The following LAMA3 variants were observed in gnomAD, a reference collection of about 807,000 sequenced individuals.
LAMA3 encodes the protein laminin subunit alpha-3.
In LAMA3, 281 loss-of-function variants were observed where a neutral mutation model predicts 402.0. The observed-to-expected ratio is 0.70, with a 90% CI of 0.63 to 0.77. The LOEUF is 0.77. LAMA3 is among the 30% of genes least tolerant of loss of function. The probability of loss-of-function intolerance (pLI) is 0.00; values close to 1 mark genes in which losing one functional copy is unlikely to be tolerated. For missense variants in LAMA3, 3,840 were observed against 4,215.5 expected, an observed-to-expected ratio of 0.91 and a Z score of 2.47; for synonymous variants, 1,431 against 1,558.4, an observed-to-expected ratio of 0.92 and a Z score of 1.93.
chr18:23,826,780 G>A lies in LAMA3; in HGVS notation c.2650G>A (p.Ala884Thr), dbSNP rs749936195. 46 of 1,562,942 alleles carry A rather than the reference G, an allele frequency of 2.9e-5. No individual in the cohort carries two copies. The highest frequency in any genetic ancestry group is 3.6e-5 in the Non-Finnish European group (41 of 1,151,996). ...QLPVTEPCAY[A>T]GPPQENCLLY... is the part of the protein sequence containing the mutation. ...GCCAGTCACAGAACCATGTGCCTAC[G>A]CAGGACCTCCCCAAGAAAAGTCAGT... Residue 884 changes from alanine to threonine, a missense_variant, in exon 22 of 75, where the codon GCA (alanine) becomes ACA (threonine). Ala to Thr is a moderately conservative substitution (Grantham distance 58). This residue lies in a region of LAMA3 where 2,109 missense variants were observed against 2,376.0 expected (regional missense o/e 0.89). Coordinates refer to ENST00000313654, the MANE Select transcript of LAMA3 (RefSeq NM_198129.4).
At chr18:23,939,168 G>A in intron 67 of LAMA3, 55 bp from the exon 68 acceptor site, 1 of 1,556,726 alleles carries the variant, frequency 6.4e-7, no homozygotes, top group Non-Finnish European at 8.8e-7. Flanking sequence ...TACTTAGCAA[G>A]ATAAGCATTC....
At chr18:23,809,144 G>A (rs923393302) in intron 12 of LAMA3, among the ~76,000 whole-genome samples, 3 of 152,148 alleles carry the variant, frequency 2.0e-5, no homozygotes, top group African/African-American at 4.8e-5. Context: ...TGAGCATTTC[G>A]GCTGTGCGAA....
rs372591182 is a variant in LAMA3 at position 23,799,343 on chromosome 18, A to G, written c.1604-11023A>G. On this transcript the variant is annotated intron_variant, in intron 12 of 74. Transcript: ENST00000313654. ...ATTTTTAAAGCCTTATAGTATTTCC[A>G]AGAGTGAGAAAAGGGCTGCCAATGC... Among the ~76,000 whole-genome samples the G allele has an allele frequency of 2.3e-4, 35 of 152,382 alleles. No individual in the cohort carries two copies. The East Asian group carries it at 6.0e-3, about 26-fold the overall frequency.
rs1439779467 is a variant in LAMA3 at position 23,881,330 on chromosome 18, T to A, written c.5113-606T>A. On this transcript the variant is annotated intron_variant, in intron 39 of 74. Transcript: ENST00000313654. ...TCAGTTGAGTATTTTCTTCAGATAC[T>A]GTGCAATTTTTTATTGTTTTAACAA... Among the ~76,000 whole-genome samples, 3 of 152,258 alleles carry A rather than the reference T, an allele frequency of 2.0e-5. No homozygotes were observed. In the East Asian group the frequency reaches 5.8e-4, roughly 29 times the overall value.
At chr18:23,856,609 C>T (rs2064085193) in intron 32 of LAMA3, among the ~76,000 whole-genome samples, 1 of 152,120 alleles carries the variant, frequency 6.6e-6, no homozygotes, top group Admixed American at 6.5e-5. Context: ...GTTTTCTTGT[C>T]TGCCCGGATC....
intron 1 of LAMA3, among the ~76,000 whole-genome samples, chr18:23,698,712 A>T (rs2060733760): frequency 6.6e-6 from 1 of 152,208 alleles, no homozygotes; most frequent in African/African-American, 2.4e-5. Flanking sequence ...GTGCCCACGC[A>T]CTTGTGGGTA....
chr18:23,846,308 C>A lies in LAMA3; in HGVS notation c.3731C>A (p.Ala1244Asp), dbSNP rs1452542945. Reference protein sequence around the residue: ...KNSFYLDPQTASRFCKNSARS... With the variant: ...KNSFYLDPQTDSRFCKNSARS... ...TTCTGTCTCCACAGCCCCCAGACAG[C>A]CTCCAGATTCTGTAAGAATTCCGCC... Residue 1244 changes from alanine to aspartate, a missense_variant, in exon 31 of 75, where the codon GCC becomes GAC. Ala to Asp is a moderately radical substitution (Grantham distance 126). Around this residue, in one of 3 missense-constraint regions of LAMA3, gnomAD observed 2,109 missense variants for 2,376.0 expected, o/e 0.89. Coordinates refer to ENST00000313654, the MANE Select transcript of LAMA3 (RefSeq NM_198129.4). 1.2e-6 allele frequency: 2 copies of A among 1,614,228 alleles called. No homozygotes were observed. Among genetic ancestry groups the A allele is most frequent in the South Asian group, 1.1e-5 (1 of 91,086 alleles).
Position 23,890,029 on chromosome 18 carries a change from C to G in LAMA3, c.5322C>G (p.Phe1774Leu), listed in dbSNP as rs958631. Residue 1774 changes from phenylalanine (F) to leucine (L), a missense_variant, in exon 42 of 75, where the codon TTC becomes TTG. Around this residue, in one of 3 missense-constraint regions of LAMA3, gnomAD observed 2,109 missense variants for 2,376.0 expected, o/e 0.89. Transcript: ENST00000313654. ...TQCERCAPGY[F>L]GNPQKFGGSC... ...TGTGTAGGTGTGCACCGGGATATTT[C>G]GGGAATCCCCAGAAATTCGGAGGTA... 5 of 1,613,626 alleles carry G rather than the reference C, an allele frequency of 3.1e-6. No individual in the cohort carries two copies. The South Asian group carries it at 5.5e-5, about 18-fold the overall frequency.
intron 11 of LAMA3, 65 bp from the exon 12 acceptor site, chr18:23,783,957 GA>G: frequency 1.3e-6 from 2 of 1,584,200 alleles, no homozygotes; most frequent in African/African-American, 1.3e-5. Flanking sequence ...AAACCTAGGG[GA>G]AGGGAGAAAT....
intron 30 of LAMA3, 87 bp from the exon 31 acceptor site, chr18:23,846,210 G>GGGT: frequency 8.0e-7 from 1 of 1,244,848 alleles, no homozygotes; most frequent in South Asian, 1.2e-5. Context: ...AGATGCTGCT[G>GGGT]GGTGGAGCAG....
chr18:23,814,327 G>A (rs1598845803), intron 14 of LAMA3, 76 bp from the exon 15 acceptor site: 1 of 1,094,714 alleles, frequency 9.1e-7, no homozygotes, highest in East Asian at 2.4e-5. Flanking sequence ...TCTGTGACAA[G>A]TCTTTGCTCA....
At chr18:23,820,073 T>C in intron 19 of LAMA3, 76 bp downstream of exon 19, 1 of 1,428,952 alleles carries the variant, frequency 7.0e-7, no homozygotes, top group Non-Finnish European at 9.9e-7. Flanking sequence ...GGGAGCCCCC[T>C]GAAAGGTGAC....
At chr18:23,905,491 T>A (rs1317804486) in intron 51 of LAMA3, 31 bp from the exon 52 acceptor site, 1 of 1,198,278 alleles carries the variant, frequency 8.3e-7, no homozygotes. Context: ...ATATAGCATT[T>A]GTTTAAGGCT....
intron 69 of LAMA3, among the ~76,000 whole-genome samples, chr18:23,944,196 C>T (rs1158696737): frequency 1.3e-5 from 2 of 152,138 alleles, no homozygotes; most frequent in Non-Finnish European, 2.9e-5. Flanking sequence ...TTTACTGATG[C>T]TTCTTCCATC....
intron 27 of LAMA3, among the ~76,000 whole-genome samples, chr18:23,841,090 C>T (rs904552837): frequency 5.3e-5 from 8 of 152,012 alleles, no homozygotes; most frequent in South Asian, 4.2e-4. Context: ...AGGATCTGAG[C>T]GACAGAATCA....
chr18:23,697,223 T>C (rs2060700844), intron 1 of LAMA3, among the ~76,000 whole-genome samples: 1 of 152,206 alleles, frequency 6.6e-6, no homozygotes, highest in Non-Finnish European at 1.5e-5. Flanking sequence ...GAGGACTTCA[T>C]CTTTAGGTCA....
chr18:23,867,608 T>C (rs1762433826), intron 36 of LAMA3, among the ~76,000 whole-genome samples: 1 of 152,070 alleles, frequency 6.6e-6, no homozygotes, highest in Non-Finnish European at 1.5e-5. Flanking sequence ...GCTATTTTTG[T>C]CCAAGGCAAT....
intron 12 of LAMA3, among the ~76,000 whole-genome samples, chr18:23,806,862 G>A (rs73396401): frequency 0.027 from 4,082 of 152,172 alleles, 157 homozygotes; most frequent in African/African-American, 0.092. Context: ...CATCTGAGTG[G>A]GAATTCAAAT....
intron 19 of LAMA3, 125 bp from the exon 20 acceptor site, chr18:23,822,127 A>G (rs2040684194): frequency 1.1e-6 from 1 of 949,132 alleles, no homozygotes; most frequent in Non-Finnish European, 1.7e-6. Flanking sequence ...GTGAGTGTGT[A>G]TGTGTGTGTA....
Sources: gnomAD v4.1 joint callset for allele counts (sites outside exome capture counted in the v4.1 genomes callset) on GRCh38, gnomAD v4.1.1 for gene constraint, gnomAD v4.1.1 regional missense constraint, MANE v1.5 for transcripts, NCBI Gene and HGNC (gene_info 2026-07-23, HGNC 2026-07-21) for gene names.